The following CDH13 variants were observed in gnomAD, a reference collection of about 807,000 sequenced individuals.
The protein encoded by CDH13 is cadherin-13.
A neutral mutation model predicts 63.8 loss-of-function variants in CDH13; 24 were observed. The observed-to-expected ratio is 0.38, with a 90% confidence interval of 0.27 to 0.53. The LOEUF (loss-of-function observed/expected upper bound fraction) is 0.53. Ranked by LOEUF, CDH13 falls within the 20% of genes least tolerant of loss-of-function variation. The pLI, the probability that CDH13 is intolerant of heterozygous loss-of-function variation, is 0.85. For missense variants in CDH13, 1,049 were observed against 903.1 expected, an observed-to-expected ratio of 1.16 and a Z score of -2.07; for synonymous variants, 503 against 355.3, an observed-to-expected ratio of 1.42 and a Z score of -4.67.
chr16:83,160,596 C>G (rs141016777), intron 4 of CDH13, among the ~76,000 whole-genome samples: 4 of 152,306 alleles, frequency 2.6e-5, no homozygotes, highest in African/African-American at 7.2e-5. Context: ...TCCAAAAGGC[C>G]AGTTCCACAG....
At chr16:83,146,805 G>C (rs1201926335) in intron 4 of CDH13, among the ~76,000 whole-genome samples, 1 of 152,164 alleles carries the variant, frequency 6.6e-6, no homozygotes, top group Non-Finnish European at 1.5e-5. Flanking sequence ...GCCAGGGATG[G>C]GGCCAAGCAT....
At chr16:83,128,784 T>C (rs1368941169) in intron 4 of CDH13, among the ~76,000 whole-genome samples, 1 of 152,196 alleles carries the variant, frequency 6.6e-6, no homozygotes, top group East Asian at 1.9e-4. Context: ...TATTACAGCT[T>C]CAAAAAGCAA....
chr16:83,252,105 T>TACACAC (rs1567539990), intron 5 of CDH13, among the ~76,000 whole-genome samples: 1 of 5,478 alleles, frequency 1.8e-4, no homozygotes, highest in Non-Finnish European at 4.7e-4. Flanking sequence ...ATATATATAT[T>TACACAC]ATACACACAC....
intron 2 of CDH13, among the ~76,000 whole-genome samples, chr16:82,959,823 G>A (rs942840007): frequency 6.6e-6 from 1 of 152,090 alleles, no homozygotes; most frequent in Non-Finnish European, 1.5e-5. Flanking sequence ...AAGACATCTG[G>A]TTTGCTTCCA....
At chr16:82,807,527 A>T (rs1266233398) in intron 1 of CDH13, among the ~76,000 whole-genome samples, 1 of 151,786 alleles carries the variant, frequency 6.6e-6, no homozygotes, top group Admixed American at 6.6e-5. Context: ...TTACAAAAGA[A>T]ATAAGAGCAA....
At chr16:83,357,606 A>C (rs779773797) in intron 6 of CDH13, among the ~76,000 whole-genome samples, 4 of 152,104 alleles carry the variant, frequency 2.6e-5, no homozygotes, top group South Asian at 2.1e-4. Flanking sequence ...TGGGTTCCAC[A>C]CTGGGGAAGA....
intron 1 of CDH13, among the ~76,000 whole-genome samples, chr16:82,737,346 A>G (rs2033724832): frequency 6.6e-6 from 1 of 152,108 alleles, no homozygotes; most frequent in Admixed American, 6.5e-5. Flanking sequence ...TGTGCTGTCA[A>G]CTCATCCATC....
At chr16:83,280,194 C>A (rs1013432588) in intron 5 of CDH13, among the ~76,000 whole-genome samples, 1 of 152,190 alleles carries the variant, frequency 6.6e-6, no homozygotes, top group Non-Finnish European at 1.5e-5. Context: ...TTACCTACTG[C>A]AGAACTTGTT....
At chr16:82,804,409 C>A (rs1460454449) in intron 1 of CDH13, among the ~76,000 whole-genome samples, 1 of 151,900 alleles carries the variant, frequency 6.6e-6, no homozygotes, top group Non-Finnish European at 1.5e-5. Flanking sequence ...CAGGTATATG[C>A]ATATATAAAA....
Position 83,257,339 on chromosome 16 carries a change from A to G in CDH13, c.636+39842A>G, listed in dbSNP as rs573432963. The stretch of plus-strand genomic sequence containing the variant: ...TCGTATTTTTTTTCTTTTACTAAAA[A>G]TAGAATGACAGAATAAGAAATTTAT... On this transcript the variant is annotated intron_variant, in intron 5 of 13. Transcript: ENST00000567109. 3.9e-5 allele frequency among the ~76,000 whole-genome samples: 6 copies of G among 152,298 alleles called. 1 individual carries two copies. The highest frequency in any genetic ancestry group is 6.8e-3 in the Middle Eastern group (2 of 294).
At chr16:83,699,200 CT>C (rs779509277) in intron 10 of CDH13, among the ~76,000 whole-genome samples, 1 of 152,200 alleles carries the variant, frequency 6.6e-6, no homozygotes, top group Non-Finnish European at 1.5e-5. Flanking sequence ...GAAAGGTGAC[CT>C]AAGCCCCAGT....
chr16:83,736,035 A>C (rs1911507095), intron 10 of CDH13: 1 of 152,216 alleles, frequency 6.6e-6, no homozygotes, highest in East Asian at 1.9e-4. Context: ...ACCAAACTCC[A>C]AGTCGTCCTG....
At chr16:82,744,775 A>C (rs1056051749) in intron 1 of CDH13, among the ~76,000 whole-genome samples, 1 of 152,172 alleles carries the variant, frequency 6.6e-6, no homozygotes, top group African/African-American at 2.4e-5. Context: ...GGCTGGATGA[A>C]TTTATGTTTC....
intron 2 of CDH13, among the ~76,000 whole-genome samples, chr16:82,936,802 G>A (rs1300182001): frequency 1.3e-5 from 2 of 150,618 alleles, no homozygotes; most frequent in African/African-American, 5.0e-5. Context: ...TTAGTCTTGT[G>A]TGCGTTTAGG....
chr16:83,420,798 G>C (rs772372633), intron 6 of CDH13, among the ~76,000 whole-genome samples: 1 of 152,190 alleles, frequency 6.6e-6, no homozygotes, highest in African/African-American at 2.4e-5. Context: ...TTCAGTCTGT[G>C]GCCAAAGGCC....
At chr16:83,647,608 C>A (rs888881534) in intron 8 of CDH13, among the ~76,000 whole-genome samples, 1 of 152,154 alleles carries the variant, frequency 6.6e-6, no homozygotes, top group African/African-American at 2.4e-5. Context: ...GACTCTGTTT[C>A]CATTCAGAAA....
At chr16:82,643,791 G>A (rs1909720495) in intron 1 of CDH13, among the ~76,000 whole-genome samples, 1 of 152,084 alleles carries the variant, frequency 6.6e-6, no homozygotes, top group Admixed American at 6.5e-5. Flanking sequence ...TGCCCAGGCT[G>A]GATTGCAGTG....
chr16:83,781,746 T>C (rs6563978), intron 12 of CDH13, among the ~76,000 whole-genome samples: 3,773 of 152,024 alleles, frequency 0.025, 60 homozygotes, highest in Non-Finnish European at 0.041. Context: ...CAATTGGAAC[T>C]TTCTCATTCA....
At chr16:83,319,095 A>T (rs979953269) in intron 5 of CDH13, among the ~76,000 whole-genome samples, 1 of 152,006 alleles carries the variant, frequency 6.6e-6, no homozygotes, top group African/African-American at 2.4e-5. Context: ...CATGGGTTGA[A>T]GGATGAGTAA....
Sources: gnomAD v4.1 joint callset for allele counts (sites outside exome capture counted in the v4.1 genomes callset) on GRCh38, gnomAD v4.1.1 for gene constraint, MANE v1.5 for transcripts, NCBI Gene and HGNC (gene_info 2026-07-23, HGNC 2026-07-21) for gene names.